Variants in CASK observed in about 807,000 individuals in gnomAD.
The protein encoded by CASK is peripheral plasma membrane protein CASK.
A neutral mutation model predicts 82.9 loss-of-function variants in CASK; 4 were observed. The ratio of observed to expected loss-of-function variants is 0.05; its 90% CI spans 0.02 to 0.11. The LOEUF (loss-of-function observed/expected upper bound fraction) is 0.11, where lower values mean the gene tolerates loss of function less well. Ranked by LOEUF, CASK falls within the 10% of genes least tolerant of loss-of-function variation. The pLI is 1.00. For synonymous variants in CASK, 259 were observed against 253.5 expected (o/e 1.02, Z -0.20); for missense variants, 358 against 720.9 (o/e 0.50, Z 5.76).
chrX:41,748,269 G>T, intron 3 of CASK: 1 of 124,134 alleles, frequency 8.1e-6, no homozygotes, highest in East Asian at 2.4e-4. Flanking sequence ...ATACCAAAAA[G>T]AGGCAAACAC....
At chrX:41,814,353 T>C (rs764918093) in intron 2 of CASK, among the ~76,000 whole-genome samples, 208 of 111,228 alleles carry the variant, frequency 1.9e-3, no homozygotes, top group African/African-American at 6.6e-3. Context: ...CAAATGTCCA[T>C]CCATGATAGA....
intron 9 of CASK, among the ~76,000 whole-genome samples, chrX:41,632,427 T>C (rs941999104): frequency 8.9e-6 from 1 of 111,981 alleles, no homozygotes. Context: ...CAAGACTCTA[T>C]AGCAATACCA....
At chrX:41,790,719 T>C (rs1228766580) in intron 2 of CASK, among the ~76,000 whole-genome samples, 1 of 111,921 alleles carries the variant, frequency 8.9e-6, no homozygotes, top group Non-Finnish European at 1.9e-5. Flanking sequence ...TCTAGAAAAA[T>C]TGTGGTCATG....
intron 5 of CASK, among the ~76,000 whole-genome samples, chrX:41,707,274 C>T (rs1003593211): frequency 4.5e-5 from 5 of 111,965 alleles, no homozygotes; most frequent in Non-Finnish European, 9.4e-5. Context: ...AACCTGAGAC[C>T]ATCACATTGT....
At chrX:41,839,431 C>T (rs1601889780) in intron 2 of CASK, among the ~76,000 whole-genome samples, 1 of 111,433 alleles carries the variant, frequency 9.0e-6, no homozygotes, top group African/African-American at 3.3e-5. Context: ...ATGTTTTTAA[C>T]TGTGGTTTCC....
intron 1 of CASK, among the ~76,000 whole-genome samples, chrX:41,910,591 G>T (rs1159049930): frequency 1.8e-5 from 2 of 111,768 alleles, no homozygotes; most frequent in Non-Finnish European, 3.8e-5. Flanking sequence ...AAGCCACCCA[G>T]GCAAGTCTAA....
At chrX:41,689,193 A>G (rs1280953228) in intron 5 of CASK, 1 of 112,223 alleles carries the variant, frequency 8.9e-6, no homozygotes, top group Admixed American at 9.5e-5. Flanking sequence ...GGCTACTCTA[A>G]TGTCAGCAGT....
At chrX:41,696,174 C>T in intron 5 of CASK, 1 of 1,206,185 alleles carries the variant, frequency 8.3e-7, no homozygotes, top group Non-Finnish European at 1.1e-6. Context: ...AGTATGGATG[C>T]TTGCTCTTGG....
chrX:41,831,330 C>T (rs2070807074), intron 2 of CASK, among the ~76,000 whole-genome samples: 1 of 111,894 alleles, frequency 8.9e-6, no homozygotes, highest in South Asian at 3.8e-4. Flanking sequence ...ACTTCCTGTG[C>T]ATCAATCCAA....
At chrX:41,775,159 A>G (rs2069330401) in intron 3 of CASK, among the ~76,000 whole-genome samples, 1 of 108,124 alleles carries the variant, frequency 9.2e-6, no homozygotes, top group East Asian at 2.9e-4. Context: ...AATATCCAGA[A>G]TCTACAATGA....
chrX:41,794,157 T>C (rs1485835942), intron 2 of CASK, among the ~76,000 whole-genome samples: 1 of 112,338 alleles, frequency 8.9e-6, no homozygotes, highest in Non-Finnish European at 1.9e-5. Context: ...CTAATTTCTT[T>C]GAATTCTTGC....
rs186102543 is a variant in CASK at position 41,681,059 on chromosome X, C to T, written c.430-9529G>A. Reference sequence around the variant, plus strand: ...TTTGAACTGTGTGGGTCCACTTATACATGGATTGTTTTCAACAAAATATAT... The same window carrying T: ...TTTGAACTGTGTGGGTCCACTTATATATGGATTGTTTTCAACAAAATATAT... On this transcript the variant is annotated intron_variant, in intron 5 of 26. Transcript: ENST00000378163. Among the ~76,000 whole-genome samples the T allele has an allele frequency of 5.3e-5, 6 of 112,239 alleles. No homozygotes were observed. In the East Asian group the frequency reaches 1.7e-3, roughly 31 times the overall value.
chrX:41,699,311 A>C (rs777477343), intron 5 of CASK, among the ~76,000 whole-genome samples: 6 of 112,175 alleles, frequency 5.3e-5, no homozygotes, highest in Non-Finnish European at 1.1e-4. Flanking sequence ...AAAAATAAGT[A>C]ATATTTGAGG....
chrX:41,919,909 C>T (rs190376736), intron 1 of CASK, among the ~76,000 whole-genome samples: 530 of 111,957 alleles, frequency 4.7e-3, no homozygotes, highest in Non-Finnish European at 7.9e-3. Flanking sequence ...AAACATATTC[C>T]AAATAATGAT....
intron 12 of CASK, among the ~76,000 whole-genome samples, chrX:41,590,277 TG>T (rs1232754972): frequency 9.0e-6 from 1 of 110,654 alleles, no homozygotes; most frequent in Non-Finnish European, 1.9e-5. Context: ...GAGGCCAAGG[TG>T]GGCGGATCAC....
At chrX:41,769,272 TG>T (rs1281055323) in intron 3 of CASK, among the ~76,000 whole-genome samples, 2 of 106,292 alleles carry the variant, frequency 1.9e-5, no homozygotes, top group African/African-American at 6.9e-5. Context: ...CTTGGCTCAT[TG>T]TAGCCTCCAT....
At chrX:41,884,217 G>A (rs989033647) in intron 1 of CASK, among the ~76,000 whole-genome samples, 1 of 111,885 alleles carries the variant, frequency 8.9e-6, no homozygotes, top group African/African-American at 3.2e-5. Flanking sequence ...TAAATGCTAC[G>A]TTTCCTACTC....
intron 2 of CASK, among the ~76,000 whole-genome samples, chrX:41,826,529 G>C (rs2070670468): frequency 8.9e-6 from 1 of 111,856 alleles, no homozygotes; most frequent in Non-Finnish European, 1.9e-5. Context: ...CTGGAGTGCA[G>C]TGGTGCCATC....
intron 1 of CASK, among the ~76,000 whole-genome samples, chrX:41,915,145 A>G (rs1222210501): frequency 1.8e-5 from 2 of 111,330 alleles, no homozygotes; most frequent in East Asian, 5.6e-4. Flanking sequence ...CGAGCCCTAG[A>G]GCAGTCAACC....
Sources: allele counts gnomAD v4.1 joint callset (sites outside exome capture counted in the v4.1 genomes callset), GRCh38; gene constraint gnomAD v4.1.1; transcripts MANE v1.5; gene names NCBI Gene and HGNC (gene_info 2026-07-23, HGNC 2026-07-21).